The following MDGA2 variants were observed in gnomAD, a reference collection of about 807,000 sequenced individuals.
The protein encoded by MDGA2 is MAM domain containing glycosylphosphatidylinositol anchor 2, also known as MAM domain-containing glycosylphosphatidylinositol anchor protein 2.
MDGA2 carries 40 observed loss-of-function variants against 117.8 expected under a neutral mutation model. That is an observed-to-expected ratio of 0.34 (90% CI 0.26 to 0.44). The LOEUF (loss-of-function observed/expected upper bound fraction) is 0.44. MDGA2 is among the 20% of genes least tolerant of loss of function. MDGA2 has a pLI of 1.00. For missense variants in MDGA2, 1,123 were observed against 1,250.6 expected, an observed-to-expected ratio of 0.90 and a Z score of 1.54; for synonymous variants, 452 against 439.0, an observed-to-expected ratio of 1.03 and a Z score of -0.37.
At chr14:46,923,171 A>G (rs568452012) in intron 9 of MDGA2, among the ~76,000 whole-genome samples, 176 of 152,324 alleles carry the variant, frequency 1.2e-3, no homozygotes, top group African/African-American at 4.0e-3. Context: ...AATCTAACCC[A>G]TTAAAATATT....
chr14:47,649,377 G>A (rs1238922266), intron 1 of MDGA2, among the ~76,000 whole-genome samples: 1 of 152,208 alleles, frequency 6.6e-6, no homozygotes, highest in Non-Finnish European at 1.5e-5. Context: ...AAACTGCTAA[G>A]TGCTTTATGT....
chr14:47,261,698 T>C (rs767421554), intron 2 of MDGA2, among the ~76,000 whole-genome samples: 2 of 152,142 alleles, frequency 1.3e-5, no homozygotes, highest in Non-Finnish European at 2.9e-5. Context: ...ATTACTCTTG[T>C]TCTGTTGCAT....
At chr14:46,864,636 T>G (rs1189182840) in intron 14 of MDGA2, among the ~76,000 whole-genome samples, 1 of 138,796 alleles carries the variant, frequency 7.2e-6, no homozygotes, top group Non-Finnish European at 1.5e-5. Context: ...GTTTACTGAA[T>G]GAATGTCTTC....
intron 1 of MDGA2, among the ~76,000 whole-genome samples, chr14:47,561,171 G>GTT (rs1594918273): frequency 2.9e-5 from 2 of 68,474 alleles, no homozygotes; most frequent in Admixed American, 1.7e-4. Flanking sequence ...TTGTTTTTTT[G>GTT]TTTGTTTGTT....
At position 47,565,538 on chromosome 14, in the gene MDGA2, C is replaced by T. The variant is rs142029769; in HGVS notation, c.280+108979G>A. 5.5e-4 allele frequency among the ~76,000 whole-genome samples: 83 copies of T among 152,278 alleles called. 1 individual carries two copies. The highest frequency in any genetic ancestry group is 1.9e-3 in the African/African-American group (78 of 41,538). On this transcript the variant is annotated intron_variant, in intron 1 of 16. Transcript: ENST00000399232. ...GCCGAGTGAGTCCGCATTCCCAAAC[C>T]GTTGGTCACAATTCTCTGAGGGTGG... is the stretch of plus-strand genomic sequence containing the variant.
chr14:47,675,401 G>A lies in MDGA2; in HGVS notation c.-605C>T, dbSNP rs1594977328. Among the ~76,000 whole-genome samples, 1 of 152,046 alleles carries A rather than the reference G, an allele frequency of 6.6e-6. No individual in the cohort carries two copies. The highest frequency in any genetic ancestry group is 2.4e-5 in the African/African-American group (1 of 41,426). ...GGGTGGGGAAGAGGGAAGGGAGGAG[G>A]GGGAAGAAGGAGGAGGAAAGGGTCC... On this transcript the variant is annotated 5_prime_UTR_variant, in exon 1 of 17. Transcript: ENST00000399232.
At chr14:47,383,419 T>C (rs570264862) in intron 1 of MDGA2, among the ~76,000 whole-genome samples, 3 of 152,232 alleles carry the variant, frequency 2.0e-5, no homozygotes, top group Non-Finnish European at 2.9e-5. Flanking sequence ...ATAAGGTCCA[T>C]GTATTAAATC....
chr14:47,083,731 G>A (rs926977603), intron 6 of MDGA2, among the ~76,000 whole-genome samples: 2 of 151,882 alleles, frequency 1.3e-5, no homozygotes, highest in Non-Finnish European at 2.9e-5. Flanking sequence ...AAAAGTAAAA[G>A]GACAAAATAT....
chr14:47,367,851 C>T (rs569874444), intron 1 of MDGA2, among the ~76,000 whole-genome samples: 46 of 152,224 alleles, frequency 3.0e-4, no homozygotes, highest in African/African-American at 9.9e-4. Flanking sequence ...ATTACTAAAG[C>T]GATGTTCTTT....
At chr14:47,553,005 C>T (rs1421912156) in intron 1 of MDGA2, among the ~76,000 whole-genome samples, 1 of 152,206 alleles carries the variant, frequency 6.6e-6, no homozygotes, top group Non-Finnish European at 1.5e-5. Context: ...ACTCATCAAC[C>T]TATTTTAAAA....
intron 2 of MDGA2, among the ~76,000 whole-genome samples, chr14:47,257,876 CAG>C (rs1181495285): frequency 6.6e-6 from 1 of 152,062 alleles, no homozygotes; most frequent in Non-Finnish European, 1.5e-5. Context: ...TTTGAAAAAA[CAG>C]ATACTTCTCA....
intron 1 of MDGA2, among the ~76,000 whole-genome samples, chr14:47,480,112 T>C (rs1893921402): frequency 6.6e-6 from 1 of 152,126 alleles, no homozygotes; most frequent in South Asian, 2.1e-4. Context: ...AGAAATTATT[T>C]CACACCTAAG....
At position 46,929,622 on chromosome 14, in the gene MDGA2, TATATATATATATATATATATATATACA is replaced by T. The variant is rs1566530269; in HGVS notation, c.2090-9489_2090-9463del. On this transcript the variant is annotated intron_variant, in intron 9 of 16. Coordinates refer to ENST00000399232, the MANE Select transcript of MDGA2 (RefSeq NM_001113498.3). ...GTGTGTATATATATATATATATATA[TATATATATATATATATATATATATACA>T]TTTTTTTTTTTTTTTTTTCGAGATG... Among the ~76,000 whole-genome samples the T allele has an allele frequency of 9.2e-4, 28 of 30,556 alleles. 1 individual carries two copies. The highest frequency in any genetic ancestry group is 1.6e-3 in the Non-Finnish European group (24 of 15,022). 20.0% of individuals were successfully genotyped at this position (30,556 alleles called of 152,430 possible).
chr14:47,559,120 C>T (rs774889275), intron 1 of MDGA2, among the ~76,000 whole-genome samples: 2 of 152,210 alleles, frequency 1.3e-5, no homozygotes, highest in African/African-American at 2.4e-5. Flanking sequence ...CAAGGGTACA[C>T]GTGCAGATTT....
intron 1 of MDGA2, among the ~76,000 whole-genome samples, chr14:47,484,301 T>C (rs1418871499): frequency 6.6e-6 from 1 of 152,160 alleles, no homozygotes; most frequent in Admixed American, 6.5e-5. Context: ...TGAAATACAT[T>C]TGGTCTTCAG....
At chr14:47,174,652 A>C (rs773327770) in intron 3 of MDGA2, among the ~76,000 whole-genome samples, 4 of 152,126 alleles carry the variant, frequency 2.6e-5, no homozygotes, top group Non-Finnish European at 4.4e-5. Flanking sequence ...CAAAGCAGTG[A>C]GTAGATGGAA....
chr14:46,925,851 G>C (rs1884312672), intron 9 of MDGA2, among the ~76,000 whole-genome samples: 1 of 152,030 alleles, frequency 6.6e-6, no homozygotes, highest in Non-Finnish European at 1.5e-5. Flanking sequence ...GAAAAGGTTG[G>C]TTCATGAAGG....
rs75419949 is a variant in MDGA2, at chr14:47,050,198, T to C, written c.1525+11051A>G. On this transcript the variant is annotated intron_variant, in intron 7 of 16. Transcript: ENST00000399232. Reference sequence around the variant, plus strand: ...ATTCACCTATGTTCAACACTGTATGTCACTACTTAGTAACTGTGGTGTCAA... The same window carrying C: ...ATTCACCTATGTTCAACACTGTATGCCACTACTTAGTAACTGTGGTGTCAA... 7.3e-3 allele frequency among the ~76,000 whole-genome samples: 1,107 copies of C among 152,124 alleles called. 25 individuals are homozygous for C. In the East Asian group the frequency reaches 0.087, roughly 12 times the overall value.
At position 47,625,117 on chromosome 14, in the gene MDGA2, T is replaced by C. The variant is rs150341767; in HGVS notation, c.280+49400A>G. On this transcript the variant is annotated intron_variant, in intron 1 of 16. Coordinates refer to ENST00000399232, the MANE Select transcript of MDGA2 (RefSeq NM_001113498.3). ...TGCCCTAGATTGTATAGGTAGTAAG[T>C]GACAAATCTATGGTTCCTTTTACAC... Among the ~76,000 whole-genome samples, 930 of 152,290 alleles carry C rather than the reference T, an allele frequency of 6.1e-3. 12 individuals carry two copies. Among genetic ancestry groups the C allele is most frequent in the African/African-American group, 0.021 (878 of 41,570 alleles).
Sources: gnomAD v4.1 joint callset for allele counts (sites outside exome capture counted in the v4.1 genomes callset) on GRCh38, gnomAD v4.1.1 for gene constraint, MANE v1.5 for transcripts, NCBI Gene and HGNC (gene_info 2026-07-23, HGNC 2026-07-21) for gene names.